Variants in KLHDC4 observed in about 807,000 individuals in gnomAD.
KLHDC4 encodes kelch domain-containing protein 4.
Under a neutral mutation model 62.4 loss-of-function variants are expected in KLHDC4, and 90 were observed. The observed-to-expected ratio is 1.44, with a 90% CI of 1.22 to 1.72. KLHDC4 has a LOEUF of 1.72. KLHDC4 is among the 40% of genes most tolerant of loss of function. The pLI, the probability that KLHDC4 is intolerant of heterozygous loss-of-function variation, is 0.00. For missense variants in KLHDC4, 1,025 were observed against 699.7 expected, an observed-to-expected ratio of 1.47 and a Z score of -5.25; for synonymous variants, 386 against 284.4, an observed-to-expected ratio of 1.36 and a Z score of -3.59.
intron 5 of KLHDC4, among the ~76,000 whole-genome samples, chr16:87,742,274 C>G (rs1157522425): frequency 6.6e-6 from 1 of 152,120 alleles, no homozygotes; most frequent in Non-Finnish European, 1.5e-5. Flanking sequence ...CTGTACCATC[C>G]CCAGCTACAC....
downstream of KLHDC4, chr16:87,707,718 T>G: frequency 4.0e-6 from 1 of 247,846 alleles, no homozygotes; most frequent in Non-Finnish European, 8.1e-6. Context: ...CAGTGTGGGG[T>G]GGTCTCGCCC....
intron 8 of KLHDC4, among the ~76,000 whole-genome samples, chr16:87,713,988 C>T (rs530831543): frequency 7.2e-5 from 11 of 152,150 alleles, no homozygotes; most frequent in Admixed American, 2.6e-4. Context: ...ATAGCAGTCT[C>T]GGTGATGACT....
downstream of KLHDC4, among the ~76,000 whole-genome samples, chr16:87,706,483 G>A (rs1049645720): frequency 6.6e-6 from 1 of 152,136 alleles, no homozygotes; most frequent in African/African-American, 2.4e-5. Context: ...GCCCTCGAGG[G>A]GGGCGGCACC....
chr16:87,765,706 G>T, intron 1 of KLHDC4, 86 bp downstream of exon 1: 3 of 1,335,894 alleles, frequency 2.2e-6, no homozygotes, highest in South Asian at 2.8e-5. Context: ...TCCCACGGCC[G>T]ACCCGTAACC....
At chr16:87,747,694 T>G (rs1477917640) in intron 5 of KLHDC4, 1 of 152,308 alleles carries the variant, frequency 6.6e-6, no homozygotes, top group East Asian at 1.9e-4. Context: ...CTGGTTAACA[T>G]TCCCGGCCTA....
At chr16:87,765,616 G>A (rs934066705) in intron 1 of KLHDC4, among the ~76,000 whole-genome samples, 176 bp downstream of exon 1, 2 of 152,238 alleles carry the variant, frequency 1.3e-5, no homozygotes, top group South Asian at 4.2e-4. Context: ...TCAGGAGGGG[G>A]CGGGCCCCGT....
intron 3 of KLHDC4, chr16:87,756,106 G>A (rs1373655356): frequency 4.1e-6 from 1 of 246,048 alleles, no homozygotes; most frequent in Middle Eastern, 1.4e-3. Context: ...CCGCTGGGAG[G>A]AAGAACAGCA....
At chr16:87,730,095 A>G (rs1373318518) in intron 6 of KLHDC4, among the ~76,000 whole-genome samples, 1 of 152,218 alleles carries the variant, frequency 6.6e-6, no homozygotes, top group Non-Finnish European at 1.5e-5. Context: ...CTGAGATTAC[A>G]GGCACCTGCC....
intron 5 of KLHDC4, among the ~76,000 whole-genome samples, chr16:87,737,406 G>A (rs1227021323): frequency 6.6e-6 from 1 of 151,848 alleles, no homozygotes; most frequent in Non-Finnish European, 1.5e-5. Context: ...TGGCCAACAT[G>A]GTGAAACCCC....
chr16:87,752,778 A>C (rs979682751), intron 4 of KLHDC4, among the ~76,000 whole-genome samples: 1 of 152,166 alleles, frequency 6.6e-6, no homozygotes, highest in Non-Finnish European at 1.5e-5. Context: ...AATGAACACC[A>C]GGGAAAAAAA....
chr16:87,712,963 A>ACCCTTGATCTGTGCCT (rs1404239313), intron 8 of KLHDC4, among the ~76,000 whole-genome samples: 28 of 152,238 alleles, frequency 1.8e-4, no homozygotes, highest in Admixed American at 1.0e-3. Flanking sequence ...CACGGCAAAC[A>ACCCTTGATCTGTGCCT]CCCTTGATCT....
At chr16:87,716,930 T>A (rs180904567) in intron 7 of KLHDC4, among the ~76,000 whole-genome samples, 73 of 136,638 alleles carry the variant, frequency 5.3e-4, no homozygotes, top group Non-Finnish European at 1.1e-3. Context: ...AGACTCCGTC[T>A]CAAAAAAAAG....
chr16:87,716,949 A>C (rs552709313), intron 7 of KLHDC4, among the ~76,000 whole-genome samples: 3 of 151,154 alleles, frequency 2.0e-5, no homozygotes, highest in African/African-American at 4.8e-5. Flanking sequence ...AGAAAAGAAA[A>C]GAAACTAAGA....
chr16:87,713,228 C>T (rs2061663580), intron 8 of KLHDC4, among the ~76,000 whole-genome samples: 5 of 151,548 alleles, frequency 3.3e-5, no homozygotes, highest in African/African-American at 9.7e-5. Flanking sequence ...GAGACAGAGT[C>T]TCGCTCTGTC....
chr16:87,732,386 G>A (rs932702410), intron 5 of KLHDC4, among the ~76,000 whole-genome samples: 9 of 152,118 alleles, frequency 5.9e-5, no homozygotes, highest in African/African-American at 1.9e-4. Flanking sequence ...ATGAGCCACC[G>A]CCTCTGGTCA....
At chr16:87,736,257 T>C (rs1187183130) in intron 5 of KLHDC4, among the ~76,000 whole-genome samples, 2 of 152,174 alleles carry the variant, frequency 1.3e-5, no homozygotes, top group Admixed American at 6.5e-5. Flanking sequence ...TGTAACACAA[T>C]GGCAAGTAGA....
intron 9 of KLHDC4, 193 bp from the exon 10 acceptor site, chr16:87,709,860 C>T (rs550394138): frequency 4.6e-6 from 3 of 652,044 alleles, no homozygotes; most frequent in Non-Finnish European, 5.2e-6. Context: ...CTGTCTCCCA[C>T]TAGCCTCGCC....
At chr16:87,701,745 C>G (rs561469853) in exon 1 of KLHDC4, 1 of 456,660 alleles carries the variant, frequency 2.2e-6, no homozygotes, top group Non-Finnish European at 4.4e-6. Flanking sequence ...CCTATGCCGC[C>G]CGCCCGTCCT....
At chr16:87,725,151 G>A (rs541327227) in intron 7 of KLHDC4, among the ~76,000 whole-genome samples, 3 of 152,124 alleles carry the variant, frequency 2.0e-5, no homozygotes, top group Admixed American at 6.5e-5. Context: ...GGGAAAATCA[G>A]AGCAGCGTCA....
Sources: allele counts gnomAD v4.1 joint callset (sites outside exome capture counted in the v4.1 genomes callset), GRCh38; gene constraint gnomAD v4.1.1; transcripts MANE v1.5; gene names NCBI Gene and HGNC (gene_info 2026-07-23, HGNC 2026-07-21).